Variants in ZFHX3 observed in about 807,000 individuals in gnomAD.
The protein encoded by ZFHX3 is zinc finger homeobox 3.
In ZFHX3, 42 loss-of-function variants were observed where a neutral mutation model predicts 279.1. The observed-to-expected ratio is 0.15, with a 90% CI of 0.12 to 0.19. ZFHX3 has a LOEUF of 0.19. Among genes scored for constraint, ZFHX3 ranks in the 10% least tolerant of loss-of-function variants. ZFHX3 has a pLI of 1.00. For missense variants in ZFHX3, 4,981 were observed against 4,754.0 expected, an observed-to-expected ratio of 1.05 and a Z score of -1.40; for synonymous variants, 2,293 against 1,957.8, an observed-to-expected ratio of 1.17 and a Z score of -4.52.
Position 72,795,433 on chromosome 16 carries a change from C to T in ZFHX3, c.7249G>A (p.Ala2417Thr), listed in dbSNP as rs1271863150. 12 of 1,614,144 alleles carry T rather than the reference C, an allele frequency of 7.4e-6. No homozygotes were observed. In the South Asian group the frequency reaches 1.1e-4, roughly 15 times the overall value. The change falls in exon 9 of 10, where the codon GCC becomes ACC. Residue 2417 changes from alanine (A) to threonine (T), a missense_variant. Physicochemically the swap from Ala to Thr is moderately conservative, Grantham distance 58 (BLOSUM62 0). Transcript: ENST00000268489. ...LQLTAEAEELATFNSKTEAGD... is the reference protein window; with the variant it reads ...LQLTAEAEELTTFNSKTEAGD... ...GCCTCTGTTTTTGAATTGAAGGTGG[C>T]CAGTTCCTCAGCCTCCGCTGTAAGC...
intron 2 of ZFHX3, among the ~76,000 whole-genome samples, chr16:73,656,684 C>G (rs933874366): frequency 1.8e-4 from 28 of 152,222 alleles, no homozygotes; most frequent in African/African-American, 6.0e-4. Context: ...AGTACTTCCA[C>G]CATTATCTAG....
At chr16:72,930,830 T>C (rs146108597) in intron 3 of ZFHX3, among the ~76,000 whole-genome samples, 2 of 152,302 alleles carry the variant, frequency 1.3e-5, no homozygotes, top group East Asian at 3.9e-4. Flanking sequence ...AAAAGACTTG[T>C]ATATGACAGT....
At chr16:73,741,574 G>A (rs1392701350) in intron 1 of ZFHX3, among the ~76,000 whole-genome samples, 1 of 152,172 alleles carries the variant, frequency 6.6e-6, no homozygotes, top group East Asian at 1.9e-4. Context: ...GGGCAGCCAG[G>A]AAGCTTTGGA....
At chr16:73,160,539 G>A (rs1418835682) in intron 5 of ZFHX3, among the ~76,000 whole-genome samples, 7 of 151,788 alleles carry the variant, frequency 4.6e-5, no homozygotes, top group Admixed American at 2.0e-4. Context: ...CCACAGTCAC[G>A]TTTTCTAAAC....
In ZFHX3 at chr16:72,795,236, C is replaced by A. The variant is rs770938985; in HGVS notation, c.7446G>T (p.Gln2482His). 1 of 1,609,922 alleles carries A rather than the reference C, an allele frequency of 6.2e-7. No individual in the cohort carries two copies. The highest frequency in any genetic ancestry group is 8.5e-7 in the Non-Finnish European group (1 of 1,177,796). Residue 2482 changes from glutamine (Q) to histidine (H), a missense_variant, in exon 9 of 10, where the codon CAG (glutamine) becomes CAT (histidine). Transcript: ENST00000268489. ...PQLVSLPSLP[Q>H]PPPQAPPPQC... ...GTGGAGGGGGCGCTTGTGGAGGAGG[C>A]TGTGGCAACGAAGGCAGGGACACCA...
In ZFHX3 at chr16:73,332,604, C is replaced by T. The variant is rs970728108; in HGVS notation, c.-1290-14268G>A. Among the ~76,000 whole-genome samples the T allele has an allele frequency of 2.6e-5, 4 of 152,200 alleles. No homozygotes were observed. In the East Asian group the frequency reaches 7.7e-4, roughly 29 times the overall value. On this transcript the variant is annotated intron_variant, in intron 3 of 17. Transcript: ENST00000641206. ...ATTTTCATCTAGTCAGGAGAAGAAA[C>T]TAAATCCTTTGCTGGCATGTAAGAA...
At chr16:73,788,825 T>A (rs567077300) in intron 1 of ZFHX3, among the ~76,000 whole-genome samples, 1 of 151,162 alleles carries the variant, frequency 6.6e-6, no homozygotes, top group East Asian at 2.0e-4. Context: ...ATGCAAAAAA[T>A]TAGCTGGGTG....
chr16:73,808,219 C>G (rs1237889946), intron 1 of ZFHX3, among the ~76,000 whole-genome samples: 4 of 152,176 alleles, frequency 2.6e-5, no homozygotes, highest in African/African-American at 9.7e-5. Context: ...ATCATGAGCA[C>G]ATGCTCATTT....
At chr16:73,239,696 CG>C (rs1567427090) in intron 5 of ZFHX3, among the ~76,000 whole-genome samples, 2 of 152,086 alleles carry the variant, frequency 1.3e-5, no homozygotes, top group Admixed American at 1.3e-4. Context: ...GAAGAAGGAA[CG>C]GGGATGATTT....
chr16:73,632,995 T>C (rs1274214294), intron 2 of ZFHX3, among the ~76,000 whole-genome samples: 1 of 151,780 alleles, frequency 6.6e-6, no homozygotes, highest in African/African-American at 2.4e-5. Flanking sequence ...AGGAGAATGG[T>C]GTGAACCCTG....
At chr16:72,837,895 C>A (rs2037238228) in intron 4 of ZFHX3, among the ~76,000 whole-genome samples, 1 of 152,174 alleles carries the variant, frequency 6.6e-6, no homozygotes, top group African/African-American at 2.4e-5. Flanking sequence ...ATCCACTATG[C>A]CTGGACCTAC....
chr16:72,900,918 C>A (rs1409428276), intron 3 of ZFHX3, among the ~76,000 whole-genome samples: 1 of 152,180 alleles, frequency 6.6e-6, no homozygotes, highest in Non-Finnish European at 1.5e-5. Context: ...ATTTCCAAGA[C>A]CAAAAATCTC....
intron 1 of ZFHX3, among the ~76,000 whole-genome samples, chr16:73,741,816 G>A (rs1013896134): frequency 1.3e-5 from 2 of 152,154 alleles, no homozygotes; most frequent in African/African-American, 4.8e-5. Context: ...ACAAACATAA[G>A]GGGTATAAAA....
chr16:72,902,365 G>C (rs1026424212), intron 3 of ZFHX3, among the ~76,000 whole-genome samples: 24 of 152,218 alleles, frequency 1.6e-4, no homozygotes, highest in Non-Finnish European at 3.2e-4. Context: ...GCCCGGACCA[G>C]CTTAATGAGG....
rs111421291 is a variant in ZFHX3 at position 73,737,682 on chromosome 16, GA to G, written c.-1607-57443del. Reference sequence around the variant, plus strand: ...CATTTCAATTTACTTCGGGAAAAAGGAAAAAAAAAAAATCCCACAAAGCTGA... The same window carrying G: ...CATTTCAATTTACTTCGGGAAAAAGGAAAAAAAAAAATCCCACAAAGCTGA... On this transcript the variant is annotated intron_variant, in intron 1 of 17. Coordinates refer to the ZFHX3 transcript ENST00000641206. 4.3e-3 allele frequency among the ~76,000 whole-genome samples: 619 copies of G among 142,864 alleles called. 2 individuals are homozygous for G. The highest frequency in any genetic ancestry group is 0.011 in the African/African-American group (427 of 39,298). 93.7% of individuals were successfully genotyped at this position (142,864 alleles called of 152,430 possible). A position where few individuals can be genotyped will look rare whatever the true frequency, so the allele number is the denominator to read the frequency against.
intron 1 of ZFHX3, among the ~76,000 whole-genome samples, chr16:73,751,403 G>A (rs2053760784): frequency 6.6e-6 from 1 of 152,168 alleles, no homozygotes; most frequent in East Asian, 1.9e-4. Flanking sequence ...AAGAAACCGT[G>A]TCATCATCCA....
chr16:72,978,892 G>T (rs564964950), intron 1 of ZFHX3, among the ~76,000 whole-genome samples: 3 of 152,206 alleles, frequency 2.0e-5, no homozygotes, highest in African/African-American at 7.2e-5. Flanking sequence ...CAGGCACTGT[G>T]CTAGGTGCTT....
intron 5 of ZFHX3, among the ~76,000 whole-genome samples, chr16:73,163,091 C>T (rs1345365493): frequency 7.2e-5 from 11 of 152,118 alleles, no homozygotes; most frequent in Admixed American, 7.2e-4. Context: ...CATAGATGGC[C>T]ATCTTTCATT....
chr16:73,678,367 A>G (rs2052975928), intron 2 of ZFHX3, among the ~76,000 whole-genome samples: 1 of 152,162 alleles, frequency 6.6e-6, no homozygotes, highest in Non-Finnish European at 1.5e-5. Context: ...TATTCTAATT[A>G]CAGTGGGTAA....
Sources: allele counts gnomAD v4.1 joint callset (sites outside exome capture counted in the v4.1 genomes callset), GRCh38; gene constraint gnomAD v4.1.1; transcripts MANE v1.5; gene names NCBI Gene and HGNC (gene_info 2026-07-23, HGNC 2026-07-21).